Variants in CCDC88C observed in about 807,000 individuals in gnomAD.
CCDC88C encodes the protein coiled-coil and HOOK domain protein 88C, also known as protein Daple.
In CCDC88C, 131 loss-of-function variants were observed where a neutral mutation model predicts 198.8. The observed-to-expected ratio is 0.66, with a 90% CI of 0.57 to 0.76. The LOEUF (loss-of-function observed/expected upper bound fraction) is 0.76, where lower values mean the gene tolerates loss of function less well. CCDC88C is among the 30% of genes least tolerant of loss of function. The pLI is 0.00. For synonymous variants in CCDC88C, 1,166 were observed against 1,114.7 expected, an observed-to-expected ratio of 1.05 and a Z score of -0.92; for missense variants, 2,553 against 2,631.6, an observed-to-expected ratio of 0.97 and a Z score of 0.65.
chr14:91,281,760 C>T (rs1414102179), intron 26 of CCDC88C, among the ~76,000 whole-genome samples: 2 of 152,172 alleles, frequency 1.3e-5, no homozygotes, highest in East Asian at 3.9e-4. Flanking sequence ...TCCACCTCTG[C>T]TGTGGCTGGA....
In CCDC88C at chr14:91,278,065, C is replaced by T. The variant is rs534341600; in HGVS notation, c.4915G>A (p.Gly1639Arg). Residue 1639 changes from glycine (G) to arginine (R), a missense_variant, in exon 29 of 30, where the codon GGG becomes AGG. By Grantham distance (125) the Gly-to-Arg change is moderately radical. Coordinates refer to ENST00000389857, the MANE Select transcript of CCDC88C (RefSeq NM_001080414.4). Reference sequence around the variant, plus strand: ...TGGGCACCCTCCTGTGGGAGAGGCCCGTTCCGAGGCAAGGGGTACTCGTGG... The same window carrying T: ...TGGGCACCCTCCTGTGGGAGAGGCCTGTTCCGAGGCAAGGGGTACTCGTGG... ...GRHEYPLPRN[G>R]PLPQEGAQKR... 43 of 1,611,412 alleles carry T rather than the reference C, an allele frequency of 2.7e-5. No individual in the cohort carries two copies. The South Asian group carries it at 2.8e-4, about 10-fold the overall frequency.
chr14:91,393,948 C>A (rs1211018500), intron 3 of CCDC88C, among the ~76,000 whole-genome samples: 4 of 152,208 alleles, frequency 2.6e-5, no homozygotes. Context: ...ACCAATTGAG[C>A]ACAAAAAGTG....
At chr14:91,413,727 C>CTAACAGCCTTCTCCGGT (rs1555431162) in intron 2 of CCDC88C, among the ~76,000 whole-genome samples, 1 of 152,224 alleles carries the variant, frequency 6.6e-6, no homozygotes, top group Non-Finnish European at 1.5e-5. Flanking sequence ...CGAGAGACTA[C>CTAACAGCCTTCTCCGGT]TAACAGCCTT....
chr14:91,332,067 T>C (rs1005281528), intron 10 of CCDC88C, among the ~76,000 whole-genome samples: 4 of 152,092 alleles, frequency 2.6e-5, no homozygotes, highest in Admixed American at 2.6e-4. Context: ...CCCCTCGGGC[T>C]ATTTGGGAGC....
At chr14:91,277,601 C>A (rs1282134396) in intron 29 of CCDC88C, among the ~76,000 whole-genome samples, 1 of 152,178 alleles carries the variant, frequency 6.6e-6, no homozygotes, top group Admixed American at 6.5e-5. Flanking sequence ...GCAGGGTAAG[C>A]GGGTACTCAG....
At chr14:91,307,290 G>T in intron 17 of CCDC88C, 64 bp from the exon 18 acceptor site, 2 of 1,485,528 alleles carry the variant, frequency 1.3e-6, no homozygotes, top group Non-Finnish European at 1.9e-6. Flanking sequence ...AGCCCCGAGT[G>T]AGTGGCTGAG....
chr14:91,306,687 C>A (rs1217230783), intron 18 of CCDC88C, among the ~76,000 whole-genome samples: 1 of 152,208 alleles, frequency 6.6e-6, no homozygotes, highest in Non-Finnish European at 1.5e-5. Flanking sequence ...GGGGAAGCAG[C>A]CCCAGACAAC....
At chr14:91,349,522 C>A (rs1893692249) in intron 4 of CCDC88C, among the ~76,000 whole-genome samples, 1 of 152,202 alleles carries the variant, frequency 6.6e-6, no homozygotes, top group Non-Finnish European at 1.5e-5. Context: ...AAAAAAGTCA[C>A]AAGCAACCAC....
chr14:91,294,303 T>C lies in CCDC88C; in HGVS notation c.3982A>G (p.Lys1328Glu), dbSNP rs778999687. 7 of 1,613,844 alleles carry C rather than the reference T, an allele frequency of 4.3e-6. No homozygotes were observed. Among genetic ancestry groups the C allele is most frequent in the Non-Finnish European group, 5.9e-6 (7 of 1,179,902 alleles). The stretch of plus-strand genomic sequence containing the variant: ...TGATTTTCTTCCTCCAAGTTCCCCT[T>C]GAGACGGGAGAGCAGCTAGAACACA... ...DNHCELLSRLKGNLEEENHHL... is the reference protein window; with the variant it reads ...DNHCELLSRLEGNLEEENHHL... The change falls in exon 23 of 30, where the codon AAG (lysine) becomes GAG (glutamate). Residue 1328 changes from lysine (K) to glutamate (E), a missense_variant. Physicochemically the swap from Lys to Glu is moderately conservative, Grantham distance 56. Coordinates refer to ENST00000389857, the MANE Select transcript of CCDC88C (RefSeq NM_001080414.4).
intron 6 of CCDC88C, 137 bp from the exon 7 acceptor site, chr14:91,340,161 G>T: frequency 8.0e-7 from 1 of 1,246,478 alleles, no homozygotes; most frequent in Non-Finnish European, 1.1e-6. Context: ...GCAAAAGGGT[G>T]CCCTACGCAA....
At chr14:91,296,960 C>G (rs748902162) in intron 22 of CCDC88C, among the ~76,000 whole-genome samples, 4 of 152,198 alleles carry the variant, frequency 2.6e-5, no homozygotes, top group Non-Finnish European at 5.9e-5. Flanking sequence ...ATTCACACCA[C>G]TTCTCTAGGA....
chr14:91,339,955 G>C lies in CCDC88C; in HGVS notation c.553C>G (p.Leu185Val). Residue 185 changes from leucine to valine, a missense_variant, in exon 7 of 30, where the codon CTG (leucine) becomes GTG (valine). Around this residue, in one of 2 missense-constraint regions of CCDC88C, gnomAD observed 1,260 missense variants for 1,412.0 expected, o/e 0.89. Coordinates refer to ENST00000389857, the MANE Select transcript of CCDC88C (RefSeq NM_001080414.4). This position sits in a 1 kb window ranked among gnomAD's most constrained non-coding sequence, Gnocchi z 5.8. ...LELPDVAPEELEALSRSMVLH... is the reference protein window; with the variant it reads ...LELPDVAPEEVEALSRSMVLH... ...ACCATGCTCCTCGACAGGGCCTCCA[G>C]CTCCTCCGGAGCCACGTCGGGCAGC... 6.2e-7 allele frequency: 1 copy of C among 1,601,184 alleles called. No individual in the cohort carries two copies. Among genetic ancestry groups the C allele is most frequent in the Non-Finnish European group, 8.5e-7 (1 of 1,175,076 alleles).
chr14:91,326,850 T>C (rs1025585774), intron 10 of CCDC88C, among the ~76,000 whole-genome samples: 3 of 152,250 alleles, frequency 2.0e-5, no homozygotes, highest in Non-Finnish European at 4.4e-5. Flanking sequence ...ACAAAAGTTC[T>C]TGGCAGTTTC....
chr14:91,362,340 C>T (rs777475789), intron 3 of CCDC88C, among the ~76,000 whole-genome samples: 3 of 152,176 alleles, frequency 2.0e-5, no homozygotes, highest in African/African-American at 7.2e-5. Flanking sequence ...CAACTCTTGG[C>T]TAGCTTTCTT....
chr14:91,319,611 C>T (rs1170027681), intron 13 of CCDC88C, among the ~76,000 whole-genome samples: 1 of 152,216 alleles, frequency 6.6e-6, no homozygotes, highest in Admixed American at 6.5e-5. Context: ...GGTTCTTCTC[C>T]CTGGGTCCCT....
At chr14:91,335,230 T>G (rs1892998967) in intron 10 of CCDC88C, among the ~76,000 whole-genome samples, 1 of 152,138 alleles carries the variant, frequency 6.6e-6, no homozygotes, top group Non-Finnish European at 1.5e-5. Context: ...CAGGCAGACT[T>G]GGGGCCACGT....
chr14:91,355,829 C>A (rs1200857485), intron 4 of CCDC88C, among the ~76,000 whole-genome samples: 2 of 152,102 alleles, frequency 1.3e-5, no homozygotes, highest in Non-Finnish European at 2.9e-5. Context: ...TGCGTAGACT[C>A]TCAGGGTCTT....
chr14:91,299,938 G>T lies in CCDC88C; in HGVS notation c.3768C>A (p.Gly1256=), dbSNP rs760200125. 1.3e-6 allele frequency: 2 copies of T among 1,587,370 alleles called. No homozygotes were observed. The highest frequency in any genetic ancestry group is 1.3e-5 in the African/African-American group (1 of 74,714). Residue 1256 remains glycine (G), a synonymous_variant, in exon 21 of 30, where the codon GGC becomes GGA. Coordinates refer to ENST00000389857, the MANE Select transcript of CCDC88C (RefSeq NM_001080414.4). ...GCGCCGGCGCTCACCTGTCCAGCTC[G>T]CCCCGCAGCCTCTGGTTCTCGCCCA... ...LAMGENQRLR[G]ELDRVNFLHH... is the part of the protein sequence containing the mutation.
intron 3 of CCDC88C, among the ~76,000 whole-genome samples, chr14:91,402,215 G>A (rs900321829): frequency 6.6e-6 from 1 of 152,168 alleles, no homozygotes; most frequent in Non-Finnish European, 1.5e-5. Flanking sequence ...GGTTGAGACT[G>A]CAGTGAGCTA....
Sources: gnomAD v4.1 joint callset for allele counts (sites outside exome capture counted in the v4.1 genomes callset) on GRCh38, gnomAD v4.1.1 for gene constraint, gnomAD v4.1.1 regional missense constraint, Gnocchi (gnomAD v3.1) non-coding constraint, MANE v1.5 for transcripts, NCBI Gene and HGNC (gene_info 2026-07-23, HGNC 2026-07-21) for gene names.